Variants in REXO2 observed in about 807,000 individuals in gnomAD.
REXO2 encodes the protein RNA exonuclease 2, also known as oligoribonuclease, mitochondrial.
Under a neutral mutation model 30.9 loss-of-function variants are expected in REXO2, and 17 were observed. That is an observed-to-expected ratio of 0.55 (90% CI 0.38 to 0.82). The LOEUF (loss-of-function observed/expected upper bound fraction) is 0.82. REXO2 is among the 40% of genes least tolerant of loss of function. The pLI is 0.00. For synonymous variants in REXO2, 105 were observed against 99.6 expected (o/e 1.05, Z -0.32); for missense variants, 253 against 293.2 (o/e 0.86, Z 1.00).
rs748100864 is a variant in REXO2 at position 114,444,542 on chromosome 11, C to T, written c.311C>T (p.Ser104Phe). The T allele has an allele frequency of 6.2e-7, 1 of 1,604,670 alleles. No individual in the cohort carries two copies. ...SDWCKEHHGKSGLTKAVKEST... is the reference protein window; with the variant it reads ...SDWCKEHHGKFGLTKAVKEST... ...GGGGCTGGGGATTCTCTCTTGCAGT[C>T]TGGCCTTACCAAGGCAGTGAAGGAG... is the stretch of plus-strand genomic sequence containing the variant. Residue 104 changes from serine to phenylalanine, a missense_variant and splice_region_variant, in exon 4 of 7, where the codon TCT becomes TTT. Coordinates refer to ENST00000265881, the MANE Select transcript of REXO2 (RefSeq NM_015523.4).
chr11:114,447,450 G>A (rs930630035), intron 5 of REXO2, among the ~76,000 whole-genome samples: 2 of 152,174 alleles, frequency 1.3e-5, no homozygotes. Context: ...AGGAGAAGAA[G>A]AAGAGTAGAT....
intron 6 of REXO2, chr11:114,449,128 A>G (rs1311799365): frequency 6.6e-6 from 1 of 152,278 alleles, no homozygotes; most frequent in African/African-American, 2.4e-5. Context: ...AATACAACAG[A>G]TGAGAAACAA....
intron 5 of REXO2, 187 bp downstream of exon 5, chr11:114,446,274 G>A (rs528365541): frequency 7.1e-5 from 28 of 397,150 alleles, no homozygotes; most frequent in African/African-American, 2.7e-4. Flanking sequence ...GAGCAACAAC[G>A]TCAGACATGT....
chr11:114,441,617 A>C, intron 2 of REXO2: 1 of 649,360 alleles, frequency 1.5e-6, no homozygotes. Context: ...ATAGGAACAA[A>C]GTAGGGATGT....
At chr11:114,441,303 C>T (rs1946476844) in intron 2 of REXO2, among the ~76,000 whole-genome samples, 2 of 152,168 alleles carry the variant, frequency 1.3e-5, no homozygotes, top group Admixed American at 6.5e-5. Flanking sequence ...TAACTTGACT[C>T]CATATTTACA....
intron 4 of REXO2, among the ~76,000 whole-genome samples, chr11:114,444,882 G>T (rs963511438): frequency 2.0e-5 from 3 of 152,130 alleles, no homozygotes; most frequent in African/African-American, 2.4e-5. Context: ...TACTCAATAA[G>T]AATTTCTCCC....
intron 4 of REXO2, chr11:114,445,419 G>A (rs1470199467): frequency 6.6e-6 from 1 of 152,410 alleles, no homozygotes; most frequent in Admixed American, 6.5e-5. Flanking sequence ...ATAAAAATAA[G>A]TTTTGGCATT....
At position 114,440,103 on chromosome 11, in the gene REXO2, A is replaced by C. The variant is rs369383720; in HGVS notation, c.147+428A>C. 8.5e-6 allele frequency: 4 copies of C among 468,286 alleles called. No homozygotes were observed. In the East Asian group the frequency reaches 2.0e-4, roughly 23 times the overall value. 29.0% of individuals were successfully genotyped at this position (468,286 alleles called of 1,614,324 possible). On this transcript the variant is annotated intron_variant, in intron 1 of 6. Coordinates refer to ENST00000265881, the MANE Select transcript of REXO2 (RefSeq NM_015523.4). ...ACTCAGCCTTACCCCTCATTCCATA[A>C]GTGAGAACATTGAGGCCCACAGAAA...
Position 114,443,395 on chromosome 11 carries a change from A to G in REXO2, c.232-461A>G, listed in dbSNP as rs192942402. On this transcript the variant is annotated intron_variant, in intron 2 of 6. Transcript: ENST00000265881. ...GGCCTCCCAGAGTGCTGGGATTACC[A>G]TGCTTGGCCTAGACACTTTTCAAAA... is the stretch of plus-strand genomic sequence containing the variant. Among the ~76,000 whole-genome samples the G allele has an allele frequency of 1.9e-3, 289 of 151,786 alleles. 1 individual carries two copies. Among genetic ancestry groups the G allele is most frequent in the Non-Finnish European group, 3.3e-3 (227 of 67,934 alleles).
At chr11:114,446,697 C>T (rs935857675) in intron 5 of REXO2, among the ~76,000 whole-genome samples, 3 of 152,140 alleles carry the variant, frequency 2.0e-5, no homozygotes, top group Non-Finnish European at 4.4e-5. Flanking sequence ...GAAGCTAAGG[C>T]AAAATGTGTT....
At chr11:114,440,795 C>T (rs1946471492) in intron 2 of REXO2, 56 bp downstream of exon 2, 30 of 1,291,762 alleles carry the variant, frequency 2.3e-5, no homozygotes, top group Non-Finnish European at 3.0e-5. Context: ...GAAATATAAC[C>T]ATCATTTTTT....
chr11:114,446,971 T>C (rs1183380631), intron 5 of REXO2, among the ~76,000 whole-genome samples: 2 of 144,064 alleles, frequency 1.4e-5, no homozygotes, highest in Non-Finnish European at 3.0e-5. Flanking sequence ...CGGAGTCTCG[T>C]TCTGTCGCCC....
intron 5 of REXO2, chr11:114,446,487 G>A (rs150179779): frequency 4.1e-4 from 63 of 154,510 alleles, no homozygotes; most frequent in Non-Finnish European, 2.3e-4. Context: ...GAAAATGTGC[G>A]TATGGACTAG....
chr11:114,440,417 C>G (rs1946468755), intron 1 of REXO2, among the ~76,000 whole-genome samples: 1 of 152,188 alleles, frequency 6.6e-6, no homozygotes, highest in Non-Finnish European at 1.5e-5. Context: ...TACTTTGCAT[C>G]TGTCCCGGAG....
chr11:114,439,802 C>T lies in REXO2; in HGVS notation c.147+127C>T. 2.5e-6 allele frequency: 3 copies of T among 1,201,486 alleles called. No homozygotes were observed. The Admixed American group carries it at 9.2e-5, about 37-fold the overall frequency. 74.4% of individuals were successfully genotyped at this position (1,201,486 alleles called of 1,614,324 possible). ...AGGTGTGGCAGGTGAGCGCGGCCGG[C>T]CACGGGCGGTGCAGGGCAAGTCCGG... On this transcript the variant is annotated intron_variant, in intron 1 of 6. Coordinates refer to ENST00000265881, the MANE Select transcript of REXO2 (RefSeq NM_015523.4).
intron 4 of REXO2, chr11:114,445,737 T>C (rs1946506489): frequency 2.7e-6 from 1 of 375,372 alleles, no homozygotes; most frequent in Non-Finnish European, 4.8e-6. Flanking sequence ...GATAGATTTG[T>C]CCTTCTGTTC....
At chr11:114,447,295 G>A (rs1010595151) in intron 5 of REXO2, among the ~76,000 whole-genome samples, 5 of 152,202 alleles carry the variant, frequency 3.3e-5, no homozygotes, top group African/African-American at 1.2e-4. Flanking sequence ...TGGAAATGAG[G>A]GGCTTGTATG....
chr11:114,444,282 AAT>A, intron 3 of REXO2: 1 of 626,112 alleles, frequency 1.6e-6, no homozygotes, highest in Non-Finnish European at 3.0e-6. Context: ...CCCAGAGGTT[AAT>A]ATCCTTGGAC....
rs1259243542 is a variant in REXO2, at chr11:114,439,690, C to T, written c.147+15C>T. 4.7e-6 allele frequency: 7 copies of T among 1,476,986 alleles called. No individual in the cohort carries two copies. Among genetic ancestry groups the T allele is most frequent in the South Asian group, 2.7e-5 (2 of 73,752 alleles). The allele number at this position is 1,476,986 out of a possible 1,614,324, so 91.5% of individuals were successfully genotyped here. On this transcript the variant is annotated intron_variant, in intron 1 of 6. Transcript: ENST00000265881. ...TGGACCTGGAGGTGAGTGAGGTCGG[C>T]GGGGGGCTTGGGGAGGCGAGTGAGG... is the stretch of plus-strand genomic sequence containing the variant.
Sources: gnomAD v4.1 joint callset for allele counts (sites outside exome capture counted in the v4.1 genomes callset) on GRCh38, gnomAD v4.1.1 for gene constraint, MANE v1.5 for transcripts, NCBI Gene and HGNC (gene_info 2026-07-23, HGNC 2026-07-21) for gene names.